METTL8: variants seen among roughly 807,000 people sequenced by gnomAD.
METTL8 encodes tRNA N(3)-cytidine methyltransferase METTL8, mitochondrial.
METTL8 carries 32 observed loss-of-function variants against 48.7 expected under a neutral mutation model. That is an observed-to-expected ratio of 0.66 (90% CI 0.50 to 0.88). The LOEUF (loss-of-function observed/expected upper bound fraction) is 0.88. Ranked by LOEUF, METTL8 falls within the 40% of genes least tolerant of loss-of-function variation. The pLI, the probability that METTL8 is intolerant of heterozygous loss-of-function variation, is 0.00. For synonymous variants in METTL8, 136 were observed against 157.1 expected (o/e 0.87, Z 1.01); for missense variants, 464 against 474.4 (o/e 0.98, Z 0.20).
At chr2:171,433,535 G>A (rs538364762) in intron 1 of METTL8, among the ~76,000 whole-genome samples, 1 of 152,168 alleles carries the variant, frequency 6.6e-6, no homozygotes, top group African/African-American at 2.4e-5. Flanking sequence ...AGTGTGCTGG[G>A]AACTTTGAAC....
upstream of METTL8, chr2:171,434,044 G>A: frequency 3.5e-6 from 1 of 287,874 alleles, no homozygotes; most frequent in Non-Finnish European, 6.8e-6. Flanking sequence ...ACGGGGCGGA[G>A]ACCTGGAGGC....
chr2:171,434,023 A>C (rs1033521658), upstream of METTL8: 1 of 275,000 alleles, frequency 3.6e-6, no homozygotes, highest in African/African-American at 2.4e-5. Flanking sequence ...CCCTAAGTGC[A>C]GGGCGCACAC....
rs1688648006 is a variant in METTL8 at position 171,392,266 on chromosome 2, A to C, written c.-12-69T>G. The C allele has an allele frequency of 2.3e-6, 3 of 1,311,560 alleles. No individual in the cohort carries two copies. In the South Asian group the frequency reaches 4.5e-5, roughly 20 times the overall value. The allele number at this position is 1,311,560 out of a possible 1,614,324, so 81.2% of individuals were successfully genotyped here. On this transcript the variant is annotated intron_variant, in intron 1 of 9. Transcript: ENST00000375258. ...GTGTATTGTTTATCTAATACCCAAA[A>C]CCTGGTTCTAAAGGTTTTCAATCTG...
rs1034342863 is a variant in METTL8, at chr2:171,319,964, TA to T, written c.*4207del. On this transcript the variant is annotated 3_prime_UTR_variant, in exon 10 of 10. Transcript: ENST00000375258. ...TCAGCTCTCTCAGAAGATGAATTTT[TA>T]AATATCAAACTCTGCCTAACCAACT... 4.6e-5 allele frequency: 7 copies of T among 152,184 alleles called. No individual in the cohort carries two copies. The highest frequency in any genetic ancestry group is 1.7e-4 in the African/African-American group (7 of 41,450). 9.4% of individuals were successfully genotyped at this position (152,184 alleles called of 1,614,324 possible).
At chr2:171,354,313 T>C (rs1006448557) in intron 3 of METTL8, among the ~76,000 whole-genome samples, 1 of 152,244 alleles carries the variant, frequency 6.6e-6, no homozygotes, top group African/African-American at 2.4e-5. Context: ...TTGTAGAGTT[T>C]CTGCCGAGAG....
intron 2 of METTL8, among the ~76,000 whole-genome samples, chr2:171,383,914 C>G (rs976804009): frequency 6.6e-6 from 1 of 152,062 alleles, no homozygotes; most frequent in African/African-American, 2.4e-5. Context: ...ACCACATGAC[C>G]CTGCAATTCC....
intron 2 of METTL8, among the ~76,000 whole-genome samples, chr2:171,384,257 C>T (rs1457674305): frequency 6.6e-6 from 1 of 152,182 alleles, no homozygotes; most frequent in East Asian, 1.9e-4. Context: ...TCTGTAATCC[C>T]AGCACATTGG....
intron 1 of METTL8, among the ~76,000 whole-genome samples, chr2:171,408,712 T>C (rs1046660009): frequency 3.9e-5 from 6 of 152,180 alleles, no homozygotes; most frequent in African/African-American, 1.4e-4. Flanking sequence ...ACTAGGTTGG[T>C]TCAGGATCTG....
chr2:171,401,397 G>A (rs1198755551), intron 1 of METTL8, among the ~76,000 whole-genome samples: 1 of 151,928 alleles, frequency 6.6e-6, no homozygotes, highest in African/African-American at 2.4e-5. Flanking sequence ...ATAATTTCAG[G>A]GTATAAATAA....
At chr2:171,342,786 G>A (rs529359378) in intron 3 of METTL8, among the ~76,000 whole-genome samples, 3 of 152,254 alleles carry the variant, frequency 2.0e-5, no homozygotes, top group South Asian at 2.1e-4. Flanking sequence ...TAACTAGAAT[G>A]TACTGTAATA....
chr2:171,391,509 G>A (rs1233728759), intron 2 of METTL8, among the ~76,000 whole-genome samples: 2 of 152,210 alleles, frequency 1.3e-5, no homozygotes, highest in Non-Finnish European at 2.9e-5. Flanking sequence ...CATATAGTCT[G>A]TAACACTCAT....
intron 7 of METTL8, among the ~76,000 whole-genome samples, chr2:171,327,664 A>G (rs1252655305): frequency 6.6e-6 from 1 of 152,238 alleles, no homozygotes; most frequent in African/African-American, 2.4e-5. Context: ...AAAACAAGAA[A>G]GAAGTAGGAC....
chr2:171,434,442 C>T (rs927407459), upstream of METTL8: 91 of 1,457,776 alleles, frequency 6.2e-5, 2 homozygotes, highest in African/African-American at 1.2e-3. Context: ...TGCCCGCCTC[C>T]CCGTGTCAGC....
At chr2:171,343,736 G>C (rs1310590592) in intron 3 of METTL8, among the ~76,000 whole-genome samples, 1 of 152,146 alleles carries the variant, frequency 6.6e-6, no homozygotes, top group Non-Finnish European at 1.5e-5. Flanking sequence ...AATTAGAGTA[G>C]TATCTCTAAA....
intron 3 of METTL8, among the ~76,000 whole-genome samples, chr2:171,357,562 C>T (rs1288868834): frequency 6.6e-6 from 1 of 152,154 alleles, no homozygotes; most frequent in Non-Finnish European, 1.5e-5. Flanking sequence ...ATATTCCATG[C>T]TGATGAGTCC....
At chr2:171,352,385 A>C (rs1414661046) in intron 3 of METTL8, among the ~76,000 whole-genome samples, 1 of 151,874 alleles carries the variant, frequency 6.6e-6, no homozygotes. Flanking sequence ...TAGGATTTTC[A>C]CATCAATGTT....
intron 1 of METTL8, among the ~76,000 whole-genome samples, chr2:171,394,509 A>T (rs973303365): frequency 7.2e-5 from 11 of 152,222 alleles, no homozygotes; most frequent in African/African-American, 2.7e-4. Context: ...TGTCAGAGAA[A>T]TGTGAATCTT....
intron 2 of METTL8, among the ~76,000 whole-genome samples, chr2:171,361,351 C>A (rs988630484): frequency 4.6e-5 from 7 of 151,316 alleles, no homozygotes; most frequent in African/African-American, 1.5e-4. Flanking sequence ...AAATTACACA[C>A]CCCATATTCA....
intron 2 of METTL8, among the ~76,000 whole-genome samples, chr2:171,376,488 G>T (rs919277211): frequency 2.0e-5 from 3 of 151,994 alleles, no homozygotes; most frequent in African/African-American, 7.2e-5. Flanking sequence ...CTGATAAATG[G>T]ATTCAGTAAA....
Sources: allele counts gnomAD v4.1 joint callset (sites outside exome capture counted in the v4.1 genomes callset), GRCh38; gene constraint gnomAD v4.1.1; transcripts MANE v1.5; gene names NCBI Gene and HGNC (gene_info 2026-07-23, HGNC 2026-07-21).